SLC26A7: variants seen among roughly 807,000 people sequenced by gnomAD.
The protein encoded by SLC26A7 is solute carrier family 26 member 7, also known as anion exchange transporter.
A neutral mutation model predicts 82.5 loss-of-function variants in SLC26A7; 59 were observed. The observed-to-expected ratio is 0.72, with a 90% confidence interval of 0.58 to 0.89. The LOEUF (loss-of-function observed/expected upper bound fraction) is 0.89. SLC26A7 is among the 40% of genes least tolerant of loss of function. SLC26A7 has a pLI of 0.00. For missense variants in SLC26A7, 820 were observed against 793.0 expected (o/e 1.03, Z -0.41); for synonymous variants, 271 against 274.3 (o/e 0.99, Z 0.12).
At chr8:91,378,418 T>C (rs541667324) in intron 15 of SLC26A7, among the ~76,000 whole-genome samples, 1 of 147,098 alleles carries the variant, frequency 6.8e-6, no homozygotes, top group African/African-American at 2.5e-5. Flanking sequence ...TATATATAAA[T>C]AATATATATT....
Position 91,363,506 on chromosome 8 carries a change from A to G in SLC26A7, c.1456A>G (p.Met486Val). Reference protein sequence around the residue: ...MTVSIKNMKEMEFKVKTEMDS... With the variant: ...MTVSIKNMKEVEFKVKTEMDS... ...TGTAAGTATAAAAAATATGAAAGAAATGGAATTTAAAGTGAAGACAGAAAT... is the reference window on the plus strand; with the variant it reads ...TGTAAGTATAAAAAATATGAAAGAAGTGGAATTTAAAGTGAAGACAGAAAT... Residue 486 changes from methionine (M) to valine (V), a missense_variant, in exon 13 of 19, where the codon ATG becomes GTG. Met to Val is a conservative substitution (Grantham distance 21). Transcript: ENST00000276609. The G allele has an allele frequency of 6.6e-7, 1 of 1,509,132 alleles. No individual in the cohort carries two copies. The highest frequency in any genetic ancestry group is 9.1e-7 in the Non-Finnish European group (1 of 1,101,514). The allele number at this position is 1,509,132 out of a possible 1,614,324, so 93.5% of individuals were successfully genotyped here.
intron 1 of SLC26A7, among the ~76,000 whole-genome samples, chr8:91,213,660 T>C (rs1809978618): frequency 6.6e-6 from 1 of 152,182 alleles, no homozygotes; most frequent in Non-Finnish European, 1.5e-5. Flanking sequence ...GACCAATTGC[T>C]TTAGGATTCA....
intron 12 of SLC26A7, among the ~76,000 whole-genome samples, chr8:91,363,127 C>T (rs1814095591): frequency 6.6e-6 from 1 of 152,026 alleles, no homozygotes; most frequent in Admixed American, 6.6e-5. Flanking sequence ...ACTATCCAGT[C>T]CTATCTTGCC....
At chr8:91,217,051 C>T (rs1328852250) in intron 1 of SLC26A7, among the ~76,000 whole-genome samples, 1 of 152,058 alleles carries the variant, frequency 6.6e-6, no homozygotes, top group Admixed American at 6.6e-5. Context: ...ATGGTGTCTC[C>T]TGTCTCTGCA....
intron 7 of SLC26A7, 32 bp from the exon 8 acceptor site, chr8:91,340,372 T>C: frequency 6.2e-7 from 1 of 1,601,876 alleles, no homozygotes; most frequent in East Asian, 2.2e-5. Flanking sequence ...ACATGAAGTT[T>C]GATGACTTCA....
At chr8:91,337,226 A>C (rs1286722752) in intron 6 of SLC26A7, among the ~76,000 whole-genome samples, 1 of 152,134 alleles carries the variant, frequency 6.6e-6, no homozygotes, top group East Asian at 1.9e-4. Context: ...GGGGAAAAAA[A>C]CCTATACAAT....
intron 2 of SLC26A7, among the ~76,000 whole-genome samples, chr8:91,251,044 T>C (rs1283429447): frequency 1.3e-5 from 1 of 79,650 alleles, no homozygotes; most frequent in Non-Finnish European, 2.9e-5. Flanking sequence ...ACTTAAGTGA[T>C]GAATTTTTTT....
At chr8:91,254,511 T>C (rs1434954623) in intron 2 of SLC26A7, among the ~76,000 whole-genome samples, 1 of 152,168 alleles carries the variant, frequency 6.6e-6, no homozygotes, top group Non-Finnish European at 1.5e-5. Context: ...TCTGTGAACC[T>C]GGACTCATAT....
chr8:91,343,341 T>G lies in SLC26A7; in HGVS notation c.1027-12T>G. Reference sequence around the variant, plus strand: ...GATTAAGATATTATATATTCTCTCATGAATCTTGCAGGAATTTTTGGCCCA... The same window carrying G: ...GATTAAGATATTATATATTCTCTCAGGAATCTTGCAGGAATTTTTGGCCCA... On this transcript the variant is annotated splice_polypyrimidine_tract_variant and intron_variant, in intron 8 of 18. Transcript: ENST00000276609. 1 of 1,528,632 alleles carries G rather than the reference T, an allele frequency of 6.5e-7. No individual in the cohort carries two copies. The highest frequency in any genetic ancestry group is 9.0e-7 in the Non-Finnish European group (1 of 1,110,566). The allele number at this position is 1,528,632 out of a possible 1,614,324, so 94.7% of individuals were successfully genotyped here. A position where few individuals can be genotyped will look rare whatever the true frequency, so the allele number is the denominator to read the frequency against.
At chr8:91,209,756 T>A (rs551982702) in intron 1 of SLC26A7, among the ~76,000 whole-genome samples, 1 of 152,344 alleles carries the variant, frequency 6.6e-6, no homozygotes, top group South Asian at 2.1e-4. Context: ...AGAATTTTGT[T>A]ACTGCATGAT....
chr8:91,322,010 C>T (rs1812803340), intron 5 of SLC26A7, among the ~76,000 whole-genome samples: 1 of 152,038 alleles, frequency 6.6e-6, no homozygotes, highest in South Asian at 2.1e-4. Context: ...GTCTTTCTTA[C>T]TAGTAGTGAA....
chr8:91,290,435 G>A (rs1186202297), intron 3 of SLC26A7, among the ~76,000 whole-genome samples: 1 of 152,134 alleles, frequency 6.6e-6, no homozygotes, highest in Admixed American at 6.5e-5. Context: ...GGGGGCTCTA[G>A]GGGCAATCCA....
intron 4 of SLC26A7, among the ~76,000 whole-genome samples, chr8:91,315,723 T>C (rs896837245): frequency 2.0e-5 from 3 of 152,208 alleles, no homozygotes; most frequent in African/African-American, 7.2e-5. Context: ...TTACATTCTT[T>C]TAAGTTTTAC....
intron 2 of SLC26A7, among the ~76,000 whole-genome samples, chr8:91,225,804 T>C (rs1037868673): frequency 2.6e-5 from 4 of 151,942 alleles, no homozygotes; most frequent in African/African-American, 7.3e-5. Context: ...TCCTTTCTAC[T>C]CCTGTCCTTG....
intron 2 of SLC26A7, among the ~76,000 whole-genome samples, chr8:91,281,686 C>G (rs950115452): frequency 6.6e-6 from 1 of 152,102 alleles, no homozygotes; most frequent in Non-Finnish European, 1.5e-5. Context: ...GGAGGTGTTT[C>G]TTACCCACAT....
At chr8:91,358,995 G>T (rs982537057) in intron 11 of SLC26A7, among the ~76,000 whole-genome samples, 2 of 152,182 alleles carry the variant, frequency 1.3e-5, no homozygotes, top group Non-Finnish European at 2.9e-5. Context: ...CGAGTTAATG[G>T]CTGCAGCACA....
At chr8:91,242,840 G>A (rs1278442066) in intron 2 of SLC26A7, among the ~76,000 whole-genome samples, 2 of 152,118 alleles carry the variant, frequency 1.3e-5, no homozygotes, top group African/African-American at 4.8e-5. Flanking sequence ...ACAAAATTTG[G>A]AGGAATAGCT....
chr8:91,292,611 C>T (rs1217423679), intron 3 of SLC26A7, among the ~76,000 whole-genome samples: 2 of 151,802 alleles, frequency 1.3e-5, no homozygotes, highest in Non-Finnish European at 2.9e-5. Context: ...TTACTAAATA[C>T]AATAATAAAT....
intron 9 of SLC26A7, among the ~76,000 whole-genome samples, chr8:91,350,666 T>C (rs1813688721): frequency 6.6e-6 from 1 of 152,090 alleles, no homozygotes. Context: ...TTTCATCCAT[T>C]TTTTTAAATT....
Sources: gnomAD v4.1 joint callset for allele counts (sites outside exome capture counted in the v4.1 genomes callset) on GRCh38, gnomAD v4.1.1 for gene constraint, MANE v1.5 for transcripts, NCBI Gene and HGNC (gene_info 2026-07-23, HGNC 2026-07-21) for gene names.